RECK: variants seen among roughly 807,000 people sequenced by gnomAD.
The protein encoded by RECK is reversion-inducing cysteine-rich protein with Kazal motifs.
A neutral mutation model predicts 115.1 loss-of-function variants in RECK; 69 were observed. That is an observed-to-expected ratio of 0.60 (90% CI 0.49 to 0.73). The LOEUF is 0.73. Ranked by LOEUF, RECK falls within the 30% of genes least tolerant of loss-of-function variation. The pLI is 0.00. For synonymous variants in RECK, 414 were observed against 419.7 expected (o/e 0.99, Z 0.17); for missense variants, 1,047 against 1,203.7 (o/e 0.87, Z 1.93).
chr9:36,062,867 G>A (rs13293492), intron 4 of RECK, among the ~76,000 whole-genome samples: 8,927 of 152,052 alleles, frequency 0.059, 413 homozygotes, highest in South Asian at 0.18. Flanking sequence ...GGGCGTGGTC[G>A]CTTACACCTG....
chr9:36,099,402 T>C (rs4878639), intron 10 of RECK, among the ~76,000 whole-genome samples: 31,272 of 152,228 alleles, frequency 0.21, 4,055 homozygotes, highest in South Asian at 0.3. Flanking sequence ...AACAGTCCTA[T>C]CCTTCTCGCT....
At chr9:36,105,370 C>A in intron 13 of RECK, 87 bp downstream of exon 13, 2 of 1,341,592 alleles carry the variant, frequency 1.5e-6, no homozygotes, top group Non-Finnish European at 2.1e-6. Context: ...TTCAATCCTG[C>A]TCCTTCTGTA....
chr9:36,074,037 C>G (rs60418737), intron 6 of RECK, among the ~76,000 whole-genome samples: 1 of 152,052 alleles, frequency 6.6e-6, no homozygotes, highest in Admixed American at 6.5e-5. Flanking sequence ...AACCACCCCC[C>G]ACAAAAAAAG....
In RECK at chr9:36,100,525, G is replaced by A. The variant is rs760723757; in HGVS notation, c.1280G>A (p.Arg427Gln). The A allele has an allele frequency of 1.1e-5, 17 of 1,613,190 alleles. No individual in the cohort carries two copies. Among genetic ancestry groups the A allele is most frequent in the South Asian group, 5.5e-5 (5 of 91,044 alleles). ...ATTAAACCTTGTCATAGTAAATCTC[G>A]GGGAAGTATTATTTGCAAGTAAGTT... ...LQIKPCHSKS[R>Q]GSIICKSDCV... is the part of the protein sequence containing the mutation. Residue 427 changes from arginine to glutamine, a missense_variant, in exon 11 of 21, where the codon CGG becomes CAG. Coordinates refer to ENST00000377966, the MANE Select transcript of RECK (RefSeq NM_021111.3).
chr9:36,038,823 A>T (rs1166605843), intron 1 of RECK, among the ~76,000 whole-genome samples: 2 of 152,172 alleles, frequency 1.3e-5, no homozygotes, highest in African/African-American at 4.8e-5. Context: ...CAAAAAAAAA[A>T]ACAAGAAACT....
rs1418861756 is a variant in RECK, at chr9:36,080,359, A to C, written c.406-246A>C. Among the ~76,000 whole-genome samples the C allele has an allele frequency of 2.0e-5, 3 of 152,198 alleles. 1 individual carries two copies. Among genetic ancestry groups the C allele is most frequent in the African/African-American group, 7.2e-5 (3 of 41,444 alleles). On this transcript the variant is annotated intron_variant, in intron 6 of 20. Transcript: ENST00000377966. ...TCCCACACACTTACAGCTTTACATA[A>C]ACTTGGTTTGCTATAACTGGTCAGC... is the stretch of plus-strand genomic sequence containing the variant.
chr9:36,104,276 A>ATATGTG (rs1554709294), intron 12 of RECK, among the ~76,000 whole-genome samples: 1 of 61,962 alleles, frequency 1.6e-5, no homozygotes, highest in Non-Finnish European at 3.1e-5. Flanking sequence ...CATACATAGC[A>ATATGTG]TGTGTGTGTG....
chr9:36,117,272 C>A, intron 17 of RECK, 95 bp downstream of exon 17: 1 of 981,352 alleles, frequency 1.0e-6, no homozygotes, highest in Non-Finnish European at 1.5e-6. Context: ...AGCCGAGGGT[C>A]TTCTGTGAAT....
At position 36,037,917 on chromosome 9, in the gene RECK, G is replaced by A. The variant is rs74790512; in HGVS notation, c.100+819G>A. ...GAAAGTGGAGTGATTCCCCCTAGCT[G>A]TACTAGACATTGAAAGATGGCTAGG... is the stretch of plus-strand genomic sequence containing the variant. On this transcript the variant is annotated intron_variant, in intron 1 of 20. Transcript: ENST00000377966. Among the ~76,000 whole-genome samples, 975 of 149,764 alleles carry A rather than the reference G, an allele frequency of 6.5e-3. 6 individuals carry two copies. The highest frequency in any genetic ancestry group is 0.011 in the South Asian group (50 of 4,662).
In RECK at chr9:36,091,179, A is replaced by T. The variant is rs1305218913; in HGVS notation, c.921A>T (p.Lys307Asn). Reference sequence around the variant, plus strand: ...CTTGTTTCAGGGAACTCTGCACTAAACTTTACAGCATGAGCTGGGGCAATA... The same window carrying T: ...CTTGTTTCAGGGAACTCTGCACTAATCTTTACAGCATGAGCTGGGGCAATA... ...NTSTCRELCTKLYSMSWGNTQ... is the reference protein window; with the variant it reads ...NTSTCRELCTNLYSMSWGNTQ... Residue 307 changes from lysine to asparagine, a missense_variant, in exon 10 of 21, where the codon AAA becomes AAT. Lys to Asn is a moderately conservative substitution (Grantham distance 94). Transcript: ENST00000377966. The T allele has an allele frequency of 3.1e-6, 5 of 1,614,038 alleles. No homozygotes were observed. The Admixed American group carries it at 8.3e-5, about 27-fold the overall frequency.
chr9:36,036,956 T>G lies in RECK; in HGVS notation c.-43T>G. 7.7e-7 allele frequency: 1 copy of G among 1,306,570 alleles called. No individual in the cohort carries two copies. Among genetic ancestry groups the G allele is most frequent in the Non-Finnish European group, 9.9e-7 (1 of 1,010,140 alleles). The allele number at this position is 1,306,570 out of a possible 1,614,324, so 80.9% of individuals were successfully genotyped here. ...GCGGCGGCAGCGGCTGCGGCCAAGCTGGGTCCGAGCATCCCGCGGCTCTGG... is the reference window on the plus strand; with the variant it reads ...GCGGCGGCAGCGGCTGCGGCCAAGCGGGGTCCGAGCATCCCGCGGCTCTGG... On this transcript the variant is annotated 5_prime_UTR_variant, in exon 1 of 21. Coordinates refer to ENST00000377966, the MANE Select transcript of RECK (RefSeq NM_021111.3).
chr9:36,099,760 C>G (rs1823493206), intron 10 of RECK, among the ~76,000 whole-genome samples: 1 of 152,112 alleles, frequency 6.6e-6, no homozygotes, highest in African/African-American at 2.4e-5. Context: ...GCTAGGATTG[C>G]AGGTGTGAGC....
chr9:36,115,592 A>G (rs537268815), intron 16 of RECK, among the ~76,000 whole-genome samples: 1 of 152,202 alleles, frequency 6.6e-6, no homozygotes, highest in African/African-American at 2.4e-5. Context: ...GCATGTTAGT[A>G]AGTAATGAAG....
intron 10 of RECK, among the ~76,000 whole-genome samples, chr9:36,097,351 A>T (rs562477266): frequency 2.0e-5 from 3 of 152,052 alleles, no homozygotes; most frequent in Admixed American, 6.5e-5. Flanking sequence ...AAAAGAAAAA[A>T]ATTGTGCAAG....
At chr9:36,116,793 A>G (rs1464815280) in intron 16 of RECK, among the ~76,000 whole-genome samples, 192 bp from the exon 17 acceptor site, 1 of 151,966 alleles carries the variant, frequency 6.6e-6, no homozygotes, top group African/African-American at 2.4e-5. Flanking sequence ...CTTTGTGCAC[A>G]TCTTTTCTAC....
intron 6 of RECK, among the ~76,000 whole-genome samples, chr9:36,069,609 T>G: frequency 6.6e-6 from 1 of 150,784 alleles, no homozygotes; most frequent in African/African-American, 2.4e-5. Flanking sequence ...GCAAAGAAAG[T>G]AAATTGGAAG....
intron 2 of RECK, among the ~76,000 whole-genome samples, chr9:36,057,467 C>G (rs1159305125): frequency 6.6e-6 from 1 of 152,144 alleles, no homozygotes; most frequent in East Asian, 1.9e-4. Flanking sequence ...CGAAACTAAT[C>G]AATGCTTTTT....
At chr9:36,111,863 G>T (rs987523553) in intron 15 of RECK, among the ~76,000 whole-genome samples, 2 of 151,644 alleles carry the variant, frequency 1.3e-5, no homozygotes, top group Non-Finnish European at 2.9e-5. Context: ...AGTCTAGGGG[G>T]CCCTCAACTA....
At position 36,096,430 on chromosome 9, in the gene RECK, A is replaced by G. The variant is rs1279706046; in HGVS notation, c.1086-3901A>G. On this transcript the variant is annotated intron_variant, in intron 10 of 20. Transcript: ENST00000377966. ...CGGGCACCTGTAATCCCAGCTACTCAGGAGGCTGAGGCAGGAGAATCGCTT... is the reference window on the plus strand; with the variant it reads ...CGGGCACCTGTAATCCCAGCTACTCGGGAGGCTGAGGCAGGAGAATCGCTT... Among the ~76,000 whole-genome samples, 4 of 150,024 alleles carry G rather than the reference A, an allele frequency of 2.7e-5. No homozygotes were observed. The East Asian group carries it at 8.1e-4, about 30-fold the overall frequency.
Sources: allele counts gnomAD v4.1 joint callset (sites outside exome capture counted in the v4.1 genomes callset), GRCh38; gene constraint gnomAD v4.1.1; transcripts MANE v1.5; gene names NCBI Gene and HGNC (gene_info 2026-07-23, HGNC 2026-07-21).